Variants in ATP10A observed in about 807,000 individuals in gnomAD.
ATP10A encodes the protein phospholipid-transporting ATPase VA.
In ATP10A, 111 loss-of-function variants were observed where a neutral mutation model predicts 147.8. The observed-to-expected ratio is 0.75, with a 90% confidence interval of 0.64 to 0.88. The LOEUF (loss-of-function observed/expected upper bound fraction) is 0.88. Ranked by LOEUF, ATP10A falls within the 40% of genes least tolerant of loss-of-function variation. The pLI, the probability that ATP10A is intolerant of heterozygous loss-of-function variation, is 0.00. For missense variants in ATP10A, 1,927 were observed against 1,959.0 expected (o/e 0.98, Z 0.31); for synonymous variants, 875 against 841.6 (o/e 1.04, Z -0.69).
At chr15:25,742,250 C>T (rs888051166) in intron 2 of ATP10A, among the ~76,000 whole-genome samples, 3 of 152,016 alleles carry the variant, frequency 2.0e-5, no homozygotes, top group Non-Finnish European at 2.9e-5. Flanking sequence ...CCGCAGTCCT[C>T]TTTCAGAGTC....
intron 9 of ATP10A, among the ~76,000 whole-genome samples, chr15:25,714,996 ACACAC>A (rs1234182098): frequency 7.4e-6 from 1 of 134,970 alleles, no homozygotes; most frequent in Non-Finnish European, 1.6e-5. Context: ...ACACACACAC[ACACAC>A]AATTGTTAAA....
intron 2 of ATP10A, among the ~76,000 whole-genome samples, chr15:25,772,592 T>C (rs1889393651): frequency 6.6e-6 from 1 of 152,186 alleles, no homozygotes; most frequent in South Asian, 2.1e-4. Flanking sequence ...CCTACATCCA[T>C]AATGCTTTGA....
intron 12 of ATP10A, among the ~76,000 whole-genome samples, chr15:25,706,398 C>T (rs1901018162): frequency 1.3e-5 from 2 of 152,180 alleles, no homozygotes; most frequent in Admixed American, 1.3e-4. Flanking sequence ...CAGTGCCCCC[C>T]GTCATCCCTT....
At chr15:25,681,822 G>A (rs1899425737) in intron 17 of ATP10A, among the ~76,000 whole-genome samples, 1 of 152,142 alleles carries the variant, frequency 6.6e-6, no homozygotes, top group South Asian at 2.1e-4. Flanking sequence ...GGGATGCCCA[G>A]GTGGGCGGAT....
In ATP10A at chr15:25,781,343, G is replaced by C. The variant is rs912985110; in HGVS notation, c.450-120C>G. 8 of 845,320 alleles carry C rather than the reference G, an allele frequency of 9.5e-6. No individual in the cohort carries two copies. In the African/African-American group the frequency reaches 1.2e-4, roughly 13 times the overall value. The allele number at this position is 845,320 out of a possible 1,614,324, so 52.4% of individuals were successfully genotyped here. On this transcript the variant is annotated intron_variant, in intron 1 of 20. Transcript: ENST00000555815. ...TACATTTGCATAGGCTGAAAATTTT[G>C]ATAATAAACAGGTGTTTTAAAAAGA...
At chr15:25,681,223 G>A (rs2140279037) in intron 17 of ATP10A, 149 bp from the exon 18 acceptor site, 1 of 719,290 alleles carries the variant, frequency 1.4e-6, no homozygotes, top group East Asian at 2.7e-5. Context: ...GAAAGGCCAT[G>A]AAGGGAGGGT....
intron 12 of ATP10A, among the ~76,000 whole-genome samples, chr15:25,702,584 T>A (rs115250739): frequency 6.6e-6 from 1 of 152,202 alleles, no homozygotes; most frequent in Non-Finnish European, 1.5e-5. Context: ...CTAGTCACTA[T>A]AGAAACAGAC....
intron 15 of ATP10A, among the ~76,000 whole-genome samples, chr15:25,688,370 C>A (rs904201174): frequency 6.6e-6 from 1 of 152,180 alleles, no homozygotes; most frequent in African/African-American, 2.4e-5. Flanking sequence ...ATACTCCCAA[C>A]CCAGGACGCC....
chr15:25,822,331 A>C (rs1891926666), intron 1 of ATP10A, among the ~76,000 whole-genome samples: 1 of 152,196 alleles, frequency 6.6e-6, no homozygotes, highest in South Asian at 2.1e-4. Flanking sequence ...TGAAAACACA[A>C]ATAATGGTAA....
chr15:25,728,189 C>T (rs550702635), intron 3 of ATP10A, among the ~76,000 whole-genome samples: 4 of 152,344 alleles, frequency 2.6e-5, no homozygotes, highest in Admixed American at 2.6e-4. Context: ...AGCGTCTCAC[C>T]AGGGACCCCT....
At position 25,718,197 on chromosome 15, in the gene ATP10A, G is replaced by C; in HGVS notation, c.1566C>G (p.Ala522=). The C allele has an allele frequency of 6.2e-7, 1 of 1,613,008 alleles. No individual in the cohort carries two copies. Residue 522 remains alanine (A), a synonymous_variant, in exon 8 of 21, where the codon GCC becomes GCG. Transcript: ENST00000555815. ...KRASMLSKHT[A]FSSPMEKDIT... The stretch of plus-strand genomic sequence containing the variant: ...GTACACTCACCATGGGGCTGCTGAA[G>C]GCCGTGTGCTTGGACAGCATGCTGG...
intron 5 of ATP10A, among the ~76,000 whole-genome samples, chr15:25,724,264 T>C (rs1272463529): frequency 6.6e-6 from 1 of 152,196 alleles, no homozygotes. Context: ...TGGTGCTAAG[T>C]GGCACCACTT....
chr15:25,695,399 C>A (rs1024953570), intron 13 of ATP10A, among the ~76,000 whole-genome samples: 5 of 151,872 alleles, frequency 3.3e-5, no homozygotes, highest in Non-Finnish European at 5.9e-5. Context: ...GAGGCCGAGG[C>A]GGGTGGATCA....
chr15:25,779,845 A>AACACAC (rs56111172), intron 2 of ATP10A, among the ~76,000 whole-genome samples: 2,527 of 147,340 alleles, frequency 0.017, 35 homozygotes, highest in South Asian at 0.025. Context: ...AGAAGGTTAA[A>AACACAC]ACACACACAC....
intron 1 of ATP10A, among the ~76,000 whole-genome samples, chr15:25,784,520 T>G (rs1305498225): frequency 6.6e-6 from 1 of 152,164 alleles, no homozygotes; most frequent in Non-Finnish European, 1.5e-5. Context: ...CTGAGGACCC[T>G]CCACACATGG....
At chr15:25,863,934 C>A (rs1597017826), upstream of ATP10A, among the ~76,000 whole-genome samples, 1 of 152,290 alleles carries the variant, frequency 6.6e-6, no homozygotes, top group Admixed American at 6.5e-5. Flanking sequence ...TAAATAAATT[C>A]TTTTTCTTTT....
chr15:25,672,935 G>T (rs1276388528), downstream of ATP10A, among the ~76,000 whole-genome samples: 2 of 152,134 alleles, frequency 1.3e-5, no homozygotes, highest in African/African-American at 4.8e-5. Flanking sequence ...CTAGTTTAAG[G>T]ACTAACCTGT....
chr15:25,852,122 C>G (rs1893323331), intron 1 of ATP10A, among the ~76,000 whole-genome samples: 1 of 151,874 alleles, frequency 6.6e-6, no homozygotes, highest in African/African-American at 2.4e-5. Flanking sequence ...TCTCTCTTCC[C>G]CTCCCTCCAA....
chr15:25,852,056 C>G (rs577936208), intron 1 of ATP10A, among the ~76,000 whole-genome samples: 4 of 151,964 alleles, frequency 2.6e-5, no homozygotes, highest in Non-Finnish European at 5.9e-5. Flanking sequence ...GCACTGTAGC[C>G]CACCCTCTCT....
Sources: allele counts gnomAD v4.1 joint callset (sites outside exome capture counted in the v4.1 genomes callset), GRCh38; gene constraint gnomAD v4.1.1; transcripts MANE v1.5; gene names NCBI Gene and HGNC (gene_info 2026-07-23, HGNC 2026-07-21).